Variants in PINX1 observed in about 807,000 individuals in gnomAD.
The protein encoded by PINX1 is PIN2/TERF1-interacting telomerase inhibitor 1.
A neutral mutation model predicts 25.4 loss-of-function variants in PINX1; 34 were observed. That is an observed-to-expected ratio of 1.34 (90% CI 1.02 to 1.78). PINX1 has a LOEUF of 1.78. Among genes scored for constraint, PINX1 ranks in the 40% most tolerant of loss-of-function variants. PINX1 has a pLI of 0.00. For missense variants in PINX1, 592 were observed against 404.9 expected (o/e 1.46, Z -3.97); for synonymous variants, 197 against 147.7 (o/e 1.33, Z -2.42).
chr8:10,826,847 T>C (rs926264996), intron 4 of PINX1, among the ~76,000 whole-genome samples: 1 of 152,186 alleles, frequency 6.6e-6, no homozygotes, highest in African/African-American at 2.4e-5. Context: ...AGGATGAAGG[T>C]ACAGTGGGTA....
At chr8:10,818,822 C>T (rs561632232) in intron 6 of PINX1, among the ~76,000 whole-genome samples, 1 of 152,230 alleles carries the variant, frequency 6.6e-6, no homozygotes, top group South Asian at 2.1e-4. Flanking sequence ...CTAGTTCTTC[C>T]TGAGGACACG....
At chr8:10,792,622 T>A (rs1333839297) in intron 6 of PINX1, among the ~76,000 whole-genome samples, 1 of 152,152 alleles carries the variant, frequency 6.6e-6, no homozygotes, top group African/African-American at 2.4e-5. Context: ...ATGGAATTCA[T>A]GAAAGGCTTG....
At chr8:10,839,705 C>T (rs759632543) in intron 1 of PINX1, 33 bp downstream of exon 1, 3 of 1,594,976 alleles carry the variant, frequency 1.9e-6, no homozygotes, top group Non-Finnish European at 2.6e-6. Flanking sequence ...TTCACCAACG[C>T]GCCTGGGTCG....
At chr8:10,813,389 AC>A (rs1797597906) in intron 6 of PINX1, among the ~76,000 whole-genome samples, 1 of 152,090 alleles carries the variant, frequency 6.6e-6, no homozygotes, top group Admixed American at 6.5e-5. Flanking sequence ...CAATAAAGAG[AC>A]TCTTCTCAGT....
rs72549114 is a variant in PINX1, at chr8:10,765,572, G to A, written c.816C>T (p.Ala272=). ...RGPCWDQSSK[A]SAQDAGDHVQ... ...CATGGTCCCCTGCATCCTGAGCAGA[G>A]GCCTTGGAACTCTGGTCCCAGCAGG... The change falls in exon 7 of 7, where the codon GCC becomes GCT. Residue 272 remains alanine, a synonymous_variant. Transcript: ENST00000314787. 9.3e-6 allele frequency: 15 copies of A among 1,613,736 alleles called. No individual in the cohort carries two copies. The highest frequency in any genetic ancestry group is 6.7e-5 in the African/African-American group (5 of 75,068).
chr8:10,819,900 TG>T (rs532929445), intron 6 of PINX1, among the ~76,000 whole-genome samples: 172 of 152,308 alleles, frequency 1.1e-3, no homozygotes, highest in Non-Finnish European at 2.3e-3. Flanking sequence ...CCCCTCTGAT[TG>T]TATCGGCAAT....
At chr8:10,838,837 G>A (rs1046798574) in intron 1 of PINX1, among the ~76,000 whole-genome samples, 2 of 152,146 alleles carry the variant, frequency 1.3e-5, no homozygotes, top group African/African-American at 4.8e-5. Context: ...TCCTTTGAAC[G>A]TCAATTTCTG....
intron 6 of PINX1, among the ~76,000 whole-genome samples, chr8:10,789,527 C>T (rs1801856673): frequency 6.6e-6 from 1 of 152,168 alleles, no homozygotes. Context: ...GTCTCCAGAA[C>T]TTACTCATCT....
chr8:10,797,258 G>T (rs1322092900), intron 6 of PINX1, among the ~76,000 whole-genome samples: 1 of 152,106 alleles, frequency 6.6e-6, no homozygotes, highest in Non-Finnish European at 1.5e-5. Flanking sequence ...GGTGTTTCAG[G>T]GACCTAGAAG....
chr8:10,773,270 G>A (rs747618299), intron 6 of PINX1, among the ~76,000 whole-genome samples: 7 of 152,164 alleles, frequency 4.6e-5, no homozygotes, highest in Non-Finnish European at 1.0e-4. Flanking sequence ...AGGACGCTGG[G>A]CTTTGACAAA....
chr8:10,770,634 T>C (rs1181933655), intron 6 of PINX1, among the ~76,000 whole-genome samples: 2 of 152,222 alleles, frequency 1.3e-5, no homozygotes, highest in Non-Finnish European at 2.9e-5. Context: ...GGATTATTAG[T>C]ACAATGCCCA....
At chr8:10,781,123 T>C (rs114839943) in intron 6 of PINX1, among the ~76,000 whole-genome samples, 2,032 of 152,236 alleles carry the variant, frequency 0.013, 51 homozygotes, top group African/African-American at 0.047. Flanking sequence ...CTTTAATAAA[T>C]GGTGCTGGAA....
At chr8:10,835,118 T>A (rs1349957309) in intron 1 of PINX1, among the ~76,000 whole-genome samples, 4 of 152,192 alleles carry the variant, frequency 2.6e-5, no homozygotes, top group South Asian at 2.1e-4. Context: ...AGCATCCTCA[T>A]CACCATCAGC....
chr8:10,799,669 C>A (rs1010069058), intron 6 of PINX1, among the ~76,000 whole-genome samples: 1 of 152,208 alleles, frequency 6.6e-6, no homozygotes, highest in African/African-American at 2.4e-5. Context: ...CTGTCCCTCT[C>A]TAAACTGGGG....
At chr8:10,799,275 A>G (rs1212616448) in intron 6 of PINX1, among the ~76,000 whole-genome samples, 1 of 152,168 alleles carries the variant, frequency 6.6e-6, no homozygotes, top group Non-Finnish European at 1.5e-5. Flanking sequence ...TACAATCATC[A>G]ATTTAAGATG....
In PINX1 at chr8:10,816,152, T is replaced by C. The variant is rs145898815; in HGVS notation, c.471+4041A>G. Among the ~76,000 whole-genome samples the C allele has an allele frequency of 1.2e-3, 188 of 152,282 alleles. 2 individuals carry two copies. The Middle Eastern group carries it at 0.024, about 19-fold the overall frequency. On this transcript the variant is annotated intron_variant, in intron 6 of 6. Coordinates refer to ENST00000314787, the MANE Select transcript of PINX1 (RefSeq NM_017884.6). ...TAGTTCAGGATCTTCACTGAGATAA[T>C]AATGGTTACACAATCCACAAATGTG...
At chr8:10,830,853 G>A (rs958449113) in intron 4 of PINX1, among the ~76,000 whole-genome samples, 2 of 152,150 alleles carry the variant, frequency 1.3e-5, no homozygotes. Context: ...GAACTCTTAT[G>A]CACTGTTGAT....
intron 6 of PINX1, among the ~76,000 whole-genome samples, chr8:10,780,128 G>C (rs1184397876): frequency 6.6e-6 from 1 of 151,950 alleles, no homozygotes; most frequent in Non-Finnish European, 1.5e-5. Flanking sequence ...TAGTCTTTGG[G>C]GTTTTCTACA....
chr8:10,765,344 T>A lies in PINX1; in HGVS notation c.*57A>T, dbSNP rs1422355254. 2.7e-6 allele frequency: 4 copies of A among 1,468,500 alleles called. No homozygotes were observed. The highest frequency in any genetic ancestry group is 2.2e-5 in the Admixed American group (1 of 44,612). 91.0% of individuals were successfully genotyped at this position (1,468,500 alleles called of 1,614,324 possible). A position where few individuals can be genotyped will look rare whatever the true frequency, so the allele number is the denominator to read the frequency against. Reference sequence around the variant, plus strand: ...CTGCTGTGACTTCAGGCCAGAGGTGTCTGCCCCCGCAGTGCCCTGACAGCT... The same window carrying A: ...CTGCTGTGACTTCAGGCCAGAGGTGACTGCCCCCGCAGTGCCCTGACAGCT... On this transcript the variant is annotated 3_prime_UTR_variant, in exon 7 of 7. Coordinates refer to ENST00000314787, the MANE Select transcript of PINX1 (RefSeq NM_017884.6).
Sources: allele counts gnomAD v4.1 joint callset (sites outside exome capture counted in the v4.1 genomes callset), GRCh38; gene constraint gnomAD v4.1.1; transcripts MANE v1.5; gene names NCBI Gene and HGNC (gene_info 2026-07-23, HGNC 2026-07-21).